The following KIAA1549L variants were observed in gnomAD, a reference collection of about 807,000 sequenced individuals.
KIAA1549L encodes the protein UPF0606 protein KIAA1549L.
Under a neutral mutation model 160.7 loss-of-function variants are expected in KIAA1549L, and 88 were observed. The observed-to-expected ratio is 0.55, with a 90% CI of 0.46 to 0.65. The LOEUF is 0.65. KIAA1549L is among the 30% of genes least tolerant of loss of function. The pLI, the probability that KIAA1549L is intolerant of heterozygous loss-of-function variation, is 0.00. For missense variants in KIAA1549L, 2,258 were observed against 2,437.5 expected, an observed-to-expected ratio of 0.93 and a Z score of 1.55; for synonymous variants, 950 against 976.7, an observed-to-expected ratio of 0.97 and a Z score of 0.51.
rs2133017463 is a variant in KIAA1549L at position 33,467,795 on chromosome 11, GT to G, written c.239-74006del. On this transcript the variant is annotated intron_variant, in intron 1 of 20. Transcript: ENST00000658780. ...AATGGTGACACCCTGCAGTGAGCAA[GT>G]GTACCATCCTGGAAGTCTGGCTTGC... 2.0e-5 allele frequency among the ~76,000 whole-genome samples: 3 copies of G among 152,346 alleles called. 1 individual carries two copies. The East Asian group carries it at 5.8e-4, about 29-fold the overall frequency.
At chr11:33,655,132 C>T (rs1852020585) in intron 17 of KIAA1549L, among the ~76,000 whole-genome samples, 1 of 152,224 alleles carries the variant, frequency 6.6e-6, no homozygotes. Context: ...CTGGCTCTTT[C>T]TAATCCTGTC....
intron 1 of KIAA1549L, among the ~76,000 whole-genome samples, chr11:33,515,748 C>T (rs916532667): frequency 2.0e-5 from 3 of 152,170 alleles, no homozygotes; most frequent in African/African-American, 7.2e-5. Flanking sequence ...CTTTAACCTC[C>T]TCCCTTTGCT....
At chr11:33,599,285 AC>A (rs2133305725) in intron 13 of KIAA1549L, 1 of 162,628 alleles carries the variant, frequency 6.1e-6, no homozygotes, top group East Asian at 1.8e-4. Flanking sequence ...ATTTCTAATC[AC>A]ATGAATTGAC....
At chr11:33,535,722 G>A (rs1853879702) in intron 1 of KIAA1549L, among the ~76,000 whole-genome samples, 1 of 152,076 alleles carries the variant, frequency 6.6e-6, no homozygotes, top group Admixed American at 6.6e-5. Context: ...CATACCCAAA[G>A]AGAGTGGATC....
chr11:33,544,089 T>C lies in KIAA1549L; in HGVS notation c.2526T>C (p.His842=). ...TACAGTTGCCCAACCAGCCAGCACA[T>C]CCTCTTTTGCTAACCTCACCAGGAC... ...PQLQLPNQPA[H]PLLLTSPGPT... The change falls in exon 2 of 21, where the codon CAT becomes CAC. Residue 842 remains histidine (H), a synonymous_variant. Coordinates refer to ENST00000658780, the MANE Select transcript of KIAA1549L (RefSeq NM_012194.3). The C allele has an allele frequency of 6.2e-7, 1 of 1,613,968 alleles. No individual in the cohort carries two copies. The highest frequency in any genetic ancestry group is 8.5e-7 in the Non-Finnish European group (1 of 1,179,894).
intron 1 of KIAA1549L, among the ~76,000 whole-genome samples, chr11:33,453,222 A>G (rs1336295424): frequency 6.6e-6 from 1 of 152,220 alleles, no homozygotes; most frequent in African/African-American, 2.4e-5. Context: ...TTGAGATTTC[A>G]TGGAGTCATA....
At chr11:33,650,458 G>C (rs542676115) in intron 17 of KIAA1549L, among the ~76,000 whole-genome samples, 6 of 152,224 alleles carry the variant, frequency 3.9e-5, no homozygotes, top group Admixed American at 6.5e-5. Context: ...CTCAGTTCAG[G>C]CTCTTCCTCC....
At chr11:33,655,603 TAAAC>T (rs1286302681) in intron 17 of KIAA1549L, among the ~76,000 whole-genome samples, 6 of 152,090 alleles carry the variant, frequency 3.9e-5, no homozygotes, top group African/African-American at 1.4e-4. Context: ...AGATCGTAAA[TAAAC>T]AAGCAACCAT....
intron 16 of KIAA1549L, among the ~76,000 whole-genome samples, chr11:33,620,824 A>T (rs1452716099): frequency 6.6e-6 from 1 of 152,202 alleles, no homozygotes; most frequent in African/African-American, 2.4e-5. Flanking sequence ...AACTCACACA[A>T]GCAAAACATG....
chr11:33,607,887 A>G (rs928700429), intron 14 of KIAA1549L, among the ~76,000 whole-genome samples: 8 of 152,208 alleles, frequency 5.3e-5, no homozygotes, highest in Non-Finnish European at 8.8e-5. Flanking sequence ...TTTAAAAAAA[A>G]TAACTGGTTG....
At chr11:33,609,693 C>T in intron 14 of KIAA1549L, 56 bp from the exon 15 acceptor site, 1 of 1,386,434 alleles carries the variant, frequency 7.2e-7, no homozygotes, top group South Asian at 1.2e-5. Context: ...GTGAAAGTCT[C>T]CCACCTGCCG....
chr11:33,614,594 T>A (rs1158429919), intron 15 of KIAA1549L, among the ~76,000 whole-genome samples: 24 of 52,098 alleles, frequency 4.6e-4, no homozygotes, highest in African/African-American at 7.4e-4. Flanking sequence ...ATTTTTTTTT[T>A]TTTTTTTTTT....
intron 1 of KIAA1549L, among the ~76,000 whole-genome samples, chr11:33,409,358 A>G (rs1850740042): frequency 6.6e-6 from 1 of 152,220 alleles, no homozygotes; most frequent in South Asian, 2.1e-4. Flanking sequence ...TCTAGAAAAC[A>G]ATAACAGATG....
rs115843347 is a variant in KIAA1549L, at chr11:33,658,499, G to T, written c.5859-251G>T. Among the ~76,000 whole-genome samples, 1,503 of 152,272 alleles carry T rather than the reference G, an allele frequency of 9.9e-3. 28 individuals carry two copies. The highest frequency in any genetic ancestry group is 0.034 in the African/African-American group (1,427 of 41,562). On this transcript the variant is annotated intron_variant, in intron 18 of 20. Transcript: ENST00000658780. ...AGACATGAGAGCCACCCTTAGGGGA[G>T]AACTGACCTTGAACGTCTAAAAATG... is the stretch of plus-strand genomic sequence containing the variant.
At chr11:33,454,751 A>T (rs2132981695) in intron 1 of KIAA1549L, among the ~76,000 whole-genome samples, 1 of 152,270 alleles carries the variant, frequency 6.6e-6, no homozygotes, top group African/African-American at 2.4e-5. Flanking sequence ...AAAACAAAGG[A>T]GAAATAAGAT....
intron 11 of KIAA1549L, among the ~76,000 whole-genome samples, chr11:33,587,053 A>G (rs1849903115): frequency 6.6e-6 from 1 of 152,168 alleles, no homozygotes; most frequent in Non-Finnish European, 1.5e-5. Flanking sequence ...CAATTTTTCC[A>G]TCTGTAAAAT....
At chr11:33,417,387 A>G (rs78839530) in intron 1 of KIAA1549L, among the ~76,000 whole-genome samples, 113 of 152,226 alleles carry the variant, frequency 7.4e-4, no homozygotes, top group African/African-American at 2.6e-3. Flanking sequence ...GGCGCTGCAC[A>G]CTGGTATTTT....
Position 33,491,350 on chromosome 11 carries a change from C to T in KIAA1549L, c.239-50452C>T, listed in dbSNP as rs1852658071. ...GTTCACATGGCACTACAGTATGATGCAAGACCAAAGAATAGGGGAATACAT... is the reference window on the plus strand; with the variant it reads ...GTTCACATGGCACTACAGTATGATGTAAGACCAAAGAATAGGGGAATACAT... On this transcript the variant is annotated intron_variant, in intron 1 of 20. Coordinates refer to ENST00000658780, the MANE Select transcript of KIAA1549L (RefSeq NM_012194.3). Among the ~76,000 whole-genome samples, 3 of 152,212 alleles carry T rather than the reference C, an allele frequency of 2.0e-5. No homozygotes were observed. In the South Asian group the frequency reaches 6.2e-4, roughly 32 times the overall value.
chr11:33,405,936 G>C (rs991741315), intron 1 of KIAA1549L, among the ~76,000 whole-genome samples: 1 of 151,682 alleles, frequency 6.6e-6, no homozygotes, highest in South Asian at 2.1e-4. Flanking sequence ...GAAGAGGAAG[G>C]CTCTATGTTA....
Sources: allele counts gnomAD v4.1 joint callset (sites outside exome capture counted in the v4.1 genomes callset), GRCh38; gene constraint gnomAD v4.1.1; transcripts MANE v1.5; gene names NCBI Gene and HGNC (gene_info 2026-07-23, HGNC 2026-07-21).